WARS2: variants seen among roughly 807,000 people sequenced by gnomAD.
WARS2 encodes the protein tryptophan--tRNA ligase, mitochondrial.
WARS2 carries 28 observed loss-of-function variants against 36.5 expected under a neutral mutation model. That is an observed-to-expected ratio of 0.77 (90% CI 0.57 to 1.05). WARS2 has a LOEUF of 1.05. Among genes scored for constraint, WARS2 ranks in the 50% least tolerant of loss-of-function variants. WARS2 has a pLI of 0.00. For synonymous variants in WARS2, 174 were observed against 178.4 expected, an observed-to-expected ratio of 0.98 and a Z score of 0.20; for missense variants, 435 against 456.8, an observed-to-expected ratio of 0.95 and a Z score of 0.44.
intron 2 of WARS2, among the ~76,000 whole-genome samples, chr1:119,058,457 C>G (rs1283328221): frequency 6.1e-5 from 8 of 131,476 alleles, no homozygotes; most frequent in African/African-American, 9.1e-5. Flanking sequence ...ATCCCTCCCC[C>G]CTCCCCCAAC....
intron 1 of WARS2, among the ~76,000 whole-genome samples, chr1:119,114,746 T>C (rs587714357): frequency 1.3e-5 from 2 of 152,296 alleles, no homozygotes; most frequent in South Asian, 4.1e-4. Context: ...AAAATAGCAA[T>C]TCCCTACAAT....
chr1:119,076,996 T>C (rs1017150145), intron 1 of WARS2, among the ~76,000 whole-genome samples: 1 of 151,742 alleles, frequency 6.6e-6, no homozygotes, highest in African/African-American at 2.4e-5. Context: ...AAAAATCACC[T>C]GGGCGTGGTG....
At chr1:119,042,378 A>AGAAATCT in intron 3 of WARS2, 29 bp from the exon 4 acceptor site, 1 of 1,606,506 alleles carries the variant, frequency 6.2e-7, no homozygotes, top group Non-Finnish European at 8.5e-7. Context: ...GAGGAGGGGA[A>AGAAATCT]GAAATCTGAA....
chr1:119,060,773 C>T (rs957640293), intron 2 of WARS2, among the ~76,000 whole-genome samples: 3 of 152,128 alleles, frequency 2.0e-5, no homozygotes, highest in Non-Finnish European at 4.4e-5. Flanking sequence ...ACATAAAAAG[C>T]ATCTAAATAT....
intron 3 of WARS2, among the ~76,000 whole-genome samples, chr1:119,045,248 A>C (rs1486275826): frequency 6.6e-6 from 1 of 152,164 alleles, no homozygotes; most frequent in Non-Finnish European, 1.5e-5. Context: ...TCCAGTGGAA[A>C]TGGGAGGCAA....
intron 2 of WARS2, among the ~76,000 whole-genome samples, chr1:119,062,466 T>A (rs1169842046): frequency 6.7e-6 from 1 of 149,256 alleles, no homozygotes; most frequent in Non-Finnish European, 1.5e-5. Flanking sequence ...GCACAGCAAA[T>A]AAAAAAAAAA....
intron 1 of WARS2, among the ~76,000 whole-genome samples, chr1:119,119,720 C>T (rs1655213400): frequency 6.6e-6 from 1 of 151,958 alleles, no homozygotes; most frequent in South Asian, 2.1e-4. Context: ...TCTCTCAGAC[C>T]ACAGTGGAAT....
At chr1:119,075,255 A>T (rs1334569007) in intron 2 of WARS2, among the ~76,000 whole-genome samples, 1 of 152,216 alleles carries the variant, frequency 6.6e-6, no homozygotes, top group Non-Finnish European at 1.5e-5. Flanking sequence ...ATACAGTATA[A>T]CAACTATTTG....
rs1285487169 is a variant in WARS2 at position 119,034,230 on chromosome 1, A to T, written c.516-17T>A. On this transcript the variant is annotated splice_polypyrimidine_tract_variant and intron_variant, in intron 4 of 5. Transcript: ENST00000235521. ...TGTGTGGACCTTTAATAAAAGACAG[A>T]CAGAAAAACAACAGCAAGGCTCTTT... 1 of 1,598,976 alleles carries T rather than the reference A, an allele frequency of 6.3e-7. No individual in the cohort carries two copies. Among genetic ancestry groups the T allele is most frequent in the Admixed American group, 1.7e-5 (1 of 59,692 alleles).
chr1:119,048,423 C>T (rs2794312), intron 2 of WARS2, among the ~76,000 whole-genome samples: 44,895 of 152,048 alleles, frequency 0.3, 7,260 homozygotes, highest in African/African-American at 0.43. Flanking sequence ...TTTATTATTA[C>T]AATTTTTAGA....
At chr1:119,082,151 G>A (rs1386432538) in intron 1 of WARS2, among the ~76,000 whole-genome samples, 1 of 152,086 alleles carries the variant, frequency 6.6e-6, no homozygotes, top group African/African-American at 2.4e-5. Flanking sequence ...AAAAAGGAGT[G>A]ACTAACCAAT....
At chr1:119,129,122 T>C (rs1655904554) in intron 1 of WARS2, among the ~76,000 whole-genome samples, 1 of 152,154 alleles carries the variant, frequency 6.6e-6, no homozygotes, top group South Asian at 2.1e-4. Context: ...TGCAAGAGAA[T>C]GTTTGTGTCC....
intron 1 of WARS2, among the ~76,000 whole-genome samples, chr1:119,088,277 G>C (rs587734267): frequency 6.6e-6 from 1 of 152,154 alleles, no homozygotes; most frequent in Non-Finnish European, 1.5e-5. Context: ...CACCCCCAGA[G>C]ATTCTGATTT....
At chr1:119,072,691 G>A (rs1217762128) in intron 2 of WARS2, among the ~76,000 whole-genome samples, 1 of 152,126 alleles carries the variant, frequency 6.6e-6, no homozygotes, top group Non-Finnish European at 1.5e-5. Context: ...ATTTTTGGGA[G>A]AGTCAGGGTA....
At chr1:119,048,746 C>T (rs2101142654) in intron 2 of WARS2, among the ~76,000 whole-genome samples, 2 of 152,264 alleles carry the variant, frequency 1.3e-5, no homozygotes, top group Middle Eastern at 3.4e-3. Context: ...CTTGGTCGGC[C>T]ACACCCTCGT....
At chr1:119,056,782 T>C (rs1244922382) in intron 2 of WARS2, among the ~76,000 whole-genome samples, 1 of 152,012 alleles carries the variant, frequency 6.6e-6, no homozygotes, top group Non-Finnish European at 1.5e-5. Context: ...GCTTATTCTA[T>C]ATCATTTAAA....
chr1:119,036,025 C>T (rs1263720221), intron 4 of WARS2, among the ~76,000 whole-genome samples: 6 of 152,022 alleles, frequency 3.9e-5, no homozygotes, highest in African/African-American at 9.7e-5. Context: ...ACCAACAAGG[C>T]GAAACCCGGT....
chr1:119,044,582 A>T (rs1309606442), intron 3 of WARS2, among the ~76,000 whole-genome samples: 1 of 152,220 alleles, frequency 6.6e-6, no homozygotes. Context: ...CTTATAAACA[A>T]CAGAAATTTA....
chr1:119,086,620 AC>A (rs939220762), intron 1 of WARS2, among the ~76,000 whole-genome samples: 2 of 152,066 alleles, frequency 1.3e-5, no homozygotes, highest in Non-Finnish European at 2.9e-5. Context: ...CAGTCTGAAA[AC>A]CGCTTTCAGA....
Sources: gnomAD v4.1 joint callset for allele counts (sites outside exome capture counted in the v4.1 genomes callset) on GRCh38, gnomAD v4.1.1 for gene constraint, MANE v1.5 for transcripts, NCBI Gene and HGNC (gene_info 2026-07-23, HGNC 2026-07-21) for gene names.